The following CACNA1E variants were observed in gnomAD, a reference collection of about 807,000 sequenced individuals.
CACNA1E encodes the protein voltage-dependent R-type calcium channel subunit alpha-1E.
Under a neutral mutation model 259.2 loss-of-function variants are expected in CACNA1E, and 40 were observed. The observed-to-expected ratio is 0.15, with a 90% CI of 0.12 to 0.20. The LOEUF (loss-of-function observed/expected upper bound fraction) is 0.20. Among genes scored for constraint, CACNA1E ranks in the 10% least tolerant of loss-of-function variants. The probability of loss-of-function intolerance (pLI) is 1.00; values close to 1 mark genes in which losing one functional copy is unlikely to be tolerated. For missense variants in CACNA1E, 1,874 were observed against 3,040.1 expected, an observed-to-expected ratio of 0.62 and a Z score of 9.02; for synonymous variants, 1,104 against 1,138.5, an observed-to-expected ratio of 0.97 and a Z score of 0.61.
intron 6 of CACNA1E, among the ~76,000 whole-genome samples, chr1:181,622,382 T>A (rs1426173038): frequency 6.6e-6 from 1 of 152,198 alleles, no homozygotes; most frequent in African/African-American, 2.4e-5. Context: ...AGGGCTGCCA[T>A]AACAAAACAC....
intron 6 of CACNA1E, among the ~76,000 whole-genome samples, chr1:181,597,414 A>G (rs1397534374): frequency 6.6e-6 from 1 of 152,162 alleles, no homozygotes; most frequent in Non-Finnish European, 1.5e-5. Context: ...TGTGTTTCGC[A>G]TTGTGTTACC....
chr1:181,533,841 AT>A (rs1343356738), intron 3 of CACNA1E, among the ~76,000 whole-genome samples: 1 of 151,786 alleles, frequency 6.6e-6, no homozygotes, highest in African/African-American at 2.4e-5. Flanking sequence ...GAATGATTTA[AT>A]TTTTTTATTT....
intron 3 of CACNA1E, among the ~76,000 whole-genome samples, chr1:181,537,190 C>CCAAGATT (rs1231353057): frequency 4.7e-5 from 7 of 149,674 alleles, no homozygotes; most frequent in Non-Finnish European, 8.9e-5. Flanking sequence ...CCCTCCACCT[C>CCAAGATT]CAAGATTCAA....
chr1:181,704,521 A>C (rs1220229951), intron 7 of CACNA1E, among the ~76,000 whole-genome samples: 1 of 152,184 alleles, frequency 6.6e-6, no homozygotes, highest in African/African-American at 2.4e-5. Flanking sequence ...TATGGGTAGC[A>C]AAGCTCTCTG....
intron 39 of CACNA1E, 136 bp from the exon 40 acceptor site, chr1:181,783,543 T>A (rs1660600133): frequency 1.7e-6 from 1 of 573,522 alleles, no homozygotes; most frequent in Non-Finnish European, 3.2e-6. Flanking sequence ...AGAGAAGGAC[T>A]GGGGCAGGGG....
Position 181,605,611 on chromosome 1 carries a change from G to A in CACNA1E, c.951+24835G>A, listed in dbSNP as rs1212333403. 2.0e-5 allele frequency among the ~76,000 whole-genome samples: 3 copies of A among 152,184 alleles called. No homozygotes were observed. The East Asian group carries it at 5.8e-4, about 29-fold the overall frequency. On this transcript the variant is annotated intron_variant, in intron 6 of 47. Coordinates refer to ENST00000367573, the MANE Select transcript of CACNA1E (RefSeq NM_001205293.3). Reference sequence around the variant, plus strand: ...AGTGTTCTTAGCAGGTCGGGAGCAAGCACAAATCGTATTGTCTATGCAGCT... The same window carrying A: ...AGTGTTCTTAGCAGGTCGGGAGCAAACACAAATCGTATTGTCTATGCAGCT...
intron 17 of CACNA1E, among the ~76,000 whole-genome samples, chr1:181,725,453 T>C (rs1654813603): frequency 6.6e-6 from 1 of 152,234 alleles, no homozygotes; most frequent in African/African-American, 2.4e-5. Flanking sequence ...AAATAACGTC[T>C]GTGAAAACCA....
chr1:181,742,027 C>T (rs1656624180), intron 25 of CACNA1E, among the ~76,000 whole-genome samples: 1 of 152,158 alleles, frequency 6.6e-6, no homozygotes, highest in African/African-American at 2.4e-5. Context: ...CTTCAACTTC[C>T]CAAGCTTGCC....
intron 15 of CACNA1E, 43 bp from the exon 16 acceptor site, chr1:181,721,715 T>A (rs1221781400): frequency 7.4e-7 from 1 of 1,347,288 alleles, no homozygotes; most frequent in Non-Finnish European, 1.1e-6. Context: ...CATTTTCTCC[T>A]CCAGCCCAGG....
At chr1:181,446,729 T>G (rs1660814114) in intron 2 of CACNA1E, among the ~76,000 whole-genome samples, 1 of 152,208 alleles carries the variant, frequency 6.6e-6, no homozygotes, top group Non-Finnish European at 1.5e-5. Flanking sequence ...GTTGTCTGGT[T>G]GTAGAGCAGA....
At chr1:181,786,717 G>A (rs532316599) in intron 43 of CACNA1E, among the ~76,000 whole-genome samples, 5 of 152,268 alleles carry the variant, frequency 3.3e-5, no homozygotes, top group Non-Finnish European at 7.4e-5. Context: ...TTTGTGATTG[G>A]GTTTAACAAA....
chr1:181,767,026 A>G lies in CACNA1E; in HGVS notation c.4881+415A>G, dbSNP rs550619366. Among the ~76,000 whole-genome samples the G allele has an allele frequency of 4.6e-5, 7 of 152,330 alleles. No individual in the cohort carries two copies. The South Asian group carries it at 1.4e-3, about 32-fold the overall frequency. ...AAGGTCAGATGTTAGTTCTTCCTGT[A>G]TATGGTGACACCAAATCACCACATA... On this transcript the variant is annotated intron_variant, in intron 35 of 47. Coordinates refer to ENST00000367573, the MANE Select transcript of CACNA1E (RefSeq NM_001205293.3).
intron 1 of CACNA1E, among the ~76,000 whole-genome samples, chr1:181,340,067 C>A (rs1300715028): frequency 1.5e-5 from 2 of 132,278 alleles, no homozygotes; most frequent in African/African-American, 5.6e-5. Flanking sequence ...TTTTTTTTTA[C>A]TTCTAGCACT....
intron 7 of CACNA1E, among the ~76,000 whole-genome samples, chr1:181,704,066 G>A (rs1211205066): frequency 6.6e-6 from 1 of 152,146 alleles, no homozygotes; most frequent in African/African-American, 2.4e-5. Flanking sequence ...CACCCATCCT[G>A]CTTATTAGAG....
At chr1:181,332,253 T>C (rs1651337094) in intron 1 of CACNA1E, among the ~76,000 whole-genome samples, 1 of 152,144 alleles carries the variant, frequency 6.6e-6, no homozygotes, top group South Asian at 2.1e-4. Context: ...TCAGGAAGAA[T>C]AGCTAATGGA....
chr1:181,466,661 T>C (rs930106182), intron 2 of CACNA1E, among the ~76,000 whole-genome samples: 2 of 152,230 alleles, frequency 1.3e-5, no homozygotes, highest in African/African-American at 4.8e-5. Context: ...ATGGGACAGC[T>C]GCAATTTCAA....
intron 1 of CACNA1E, among the ~76,000 whole-genome samples, chr1:181,404,619 T>C (rs1657336804): frequency 6.6e-6 from 1 of 152,104 alleles, no homozygotes; most frequent in African/African-American, 2.4e-5. Flanking sequence ...CTTTCAGAGA[T>C]CAGACACGCT....
At chr1:181,482,027 G>T (rs1430263262), upstream of CACNA1E, among the ~76,000 whole-genome samples, 1 of 152,134 alleles carries the variant, frequency 6.6e-6, no homozygotes, top group African/African-American at 2.4e-5. Context: ...CCGGGAGGCC[G>T]CCCCGTGAGG....
rs542899440 is a variant in CACNA1E at position 181,798,658 on chromosome 1, G to T, written c.6766G>T (p.Val2256Leu). The T allele has an allele frequency of 6.2e-7, 1 of 1,610,076 alleles. No homozygotes were observed. Among genetic ancestry groups the T allele is most frequent in the Non-Finnish European group, 8.5e-7 (1 of 1,177,480 alleles). ...EEETLTFEAA[V>L]ATSLGRSNTI... ...GGAGACGCTCACTTTCGAAGCAGCC[G>T]TGGCTACTAGCCTGGGCCGTTCCAA... is the stretch of plus-strand genomic sequence containing the variant. The change falls in exon 48 of 48, where the codon GTG becomes TTG. Residue 2256 changes from valine to leucine, a missense_variant. This residue lies in a region of CACNA1E where 542 missense variants were observed against 587.2 expected (regional missense o/e 0.92). Transcript: ENST00000367573. The surrounding 1 kb of genome is among the most constrained non-coding windows in gnomAD (Gnocchi z 4.2).
Sources: gnomAD v4.1 joint callset for allele counts (sites outside exome capture counted in the v4.1 genomes callset) on GRCh38, gnomAD v4.1.1 for gene constraint, gnomAD v4.1.1 regional missense constraint, Gnocchi (gnomAD v3.1) non-coding constraint, MANE v1.5 for transcripts, NCBI Gene and HGNC (gene_info 2026-07-23, HGNC 2026-07-21) for gene names.